Variants in CCDC13 observed in about 807,000 individuals in gnomAD.
CCDC13 encodes coiled-coil domain containing 13.
CCDC13 carries 70 observed loss-of-function variants against 87.3 expected under a neutral mutation model. The ratio of observed to expected loss-of-function variants is 0.80; its 90% CI spans 0.66 to 0.98. CCDC13 has a LOEUF of 0.98. CCDC13 is among the 50% of genes least tolerant of loss of function. CCDC13 has a pLI of 0.00. For synonymous variants in CCDC13, 317 were observed against 360.3 expected (o/e 0.88, Z 1.36); for missense variants, 842 against 892.0 (o/e 0.94, Z 0.71).
chr3:42,747,187 G>C, intron 6 of CCDC13, 70 bp downstream of exon 6: 3 of 1,143,168 alleles, frequency 2.6e-6, no homozygotes, highest in Non-Finnish European at 4.0e-6. Flanking sequence ...GGAATCCACT[G>C]TGCCAGCCGT....
In CCDC13 at chr3:42,742,998, A is replaced by G; in HGVS notation, c.885T>C (p.Ser295=). 2 of 1,613,982 alleles carry G rather than the reference A, an allele frequency of 1.2e-6. No homozygotes were observed. Among genetic ancestry groups the G allele is most frequent in the Non-Finnish European group, 1.7e-6 (2 of 1,179,968 alleles). Reference sequence around the variant, plus strand: ...GGTCTGGATAGACAGACAACTCATCACTGGCTGTTCCCGCAGACTGGCTCC... The same window carrying G: ...GGTCTGGATAGACAGACAACTCATCGCTGGCTGTTCCCGCAGACTGGCTCC... ...QARSQSAGTA[S]DELSVYPDPR... Residue 295 remains serine, a synonymous_variant, in exon 8 of 16, where the codon AGT becomes AGC. Transcript: ENST00000310232.
At chr3:42,713,631 AT>A (rs1698364298) in intron 13 of CCDC13, among the ~76,000 whole-genome samples, 1 of 152,228 alleles carries the variant, frequency 6.6e-6, no homozygotes, top group African/African-American at 2.4e-5. Flanking sequence ...TTATGTTGCT[AT>A]TTTTAGGTTT....
Position 42,708,490 on chromosome 3 carries a change from G to A in CCDC13, c.*490C>T, listed in dbSNP as rs1333568714. On this transcript the variant is annotated 3_prime_UTR_variant, in exon 16 of 16. Transcript: ENST00000310232. ...ACTGGTTGAGAGCATAGTGCCCCAA[G>A]TCTGTGTAGGGTGTGGACGGCTACA... 6.5e-6 allele frequency: 1 copy of A among 153,048 alleles called. No individual in the cohort carries two copies. The highest frequency in any genetic ancestry group is 1.5e-5 in the Non-Finnish European group (1 of 68,720). The allele number at this position is 153,048 out of a possible 1,614,324, so 9.5% of individuals were successfully genotyped here.
intron 15 of CCDC13, among the ~76,000 whole-genome samples, 191 bp from the exon 16 acceptor site, chr3:42,709,330 A>G (rs1258820591): frequency 1.3e-5 from 2 of 152,180 alleles, no homozygotes; most frequent in Non-Finnish European, 2.9e-5. Flanking sequence ...GCTCCCTGCA[A>G]TGTAAGCTAC....
At position 42,747,387 on chromosome 3, in the gene CCDC13, A is replaced by G. The variant is rs899529550; in HGVS notation, c.604-14T>C. ...TGGGGTCTCCAGCTGGTTGGGAAGG[A>G]CAGGAGAGAAAGTAGTCATTTATTG... On this transcript the variant is annotated splice_polypyrimidine_tract_variant and intron_variant, in intron 5 of 15. Coordinates refer to ENST00000310232, the MANE Select transcript of CCDC13 (RefSeq NM_144719.4). The G allele has an allele frequency of 2.5e-6, 4 of 1,577,780 alleles. No individual in the cohort carries two copies. Among genetic ancestry groups the G allele is most frequent in the Admixed American group, 3.3e-5 (2 of 59,908 alleles).
intron 14 of CCDC13, among the ~76,000 whole-genome samples, chr3:42,711,839 T>C (rs1698320217): frequency 6.6e-6 from 1 of 152,194 alleles, no homozygotes; most frequent in African/African-American, 2.4e-5. Context: ...CCTGGACACT[T>C]TCCCTCAGGC....
chr3:42,732,780 G>T (rs967212373), intron 12 of CCDC13, 107 bp downstream of exon 12: 4 of 935,386 alleles, frequency 4.3e-6, no homozygotes, highest in African/African-American at 3.3e-5. Context: ...AGAGTCCCTG[G>T]ACTTTGCCTG....
rs1258023036 is a variant in CCDC13 at position 42,735,874 on chromosome 3, T to C, written c.1204A>G (p.Ser402Gly). ...KQLQEILGSL[S>G]LQEEKTRVSQ... ...ACTCGCGTTTTCTCCTCCTGCAGAC[T>C]CAGGCTGCCTAGGATCTCCTGTAGC... The change falls in exon 10 of 16, where the codon AGT becomes GGT. Residue 402 changes from serine to glycine, a missense_variant. Transcript: ENST00000310232. 2 of 1,614,058 alleles carry C rather than the reference T, an allele frequency of 1.2e-6. No individual in the cohort carries two copies. The highest frequency in any genetic ancestry group is 1.7e-6 in the Non-Finnish European group (2 of 1,180,036).
chr3:42,715,620 G>GA (rs933611012), intron 13 of CCDC13, among the ~76,000 whole-genome samples: 4 of 150,330 alleles, frequency 2.7e-5, no homozygotes, highest in East Asian at 1.9e-4. Flanking sequence ...GTAACAAAAA[G>GA]AAAAAAAAAT....
At position 42,743,037 on chromosome 3, in the gene CCDC13, T is replaced by C. The variant is rs377158821; in HGVS notation, c.846A>G (p.Gln282=). ...LQSKVQELEK[Q]LGQARSQSAG... is the part of the protein sequence containing the mutation. ...CAGACTGGCTCCGGGCCTGGCCCAA[T>C]TGCTTCTCAAGCTCTTGAACCTGAG... Residue 282 remains glutamine, a synonymous_variant, in exon 8 of 16, where the codon CAA becomes CAG. Transcript: ENST00000310232. 4 of 1,613,958 alleles carry C rather than the reference T, an allele frequency of 2.5e-6. No homozygotes were observed. Among genetic ancestry groups the C allele is most frequent in the Non-Finnish European group, 3.4e-6 (4 of 1,179,992 alleles).
At chr3:42,726,864 A>G (rs555782649) in intron 13 of CCDC13, among the ~76,000 whole-genome samples, 31 of 152,250 alleles carry the variant, frequency 2.0e-4, no homozygotes, top group African/African-American at 7.5e-4. Context: ...AGCTTCAAAG[A>G]CAAAGAGAAT....
chr3:42,737,314 T>C (rs112406032), intron 9 of CCDC13, among the ~76,000 whole-genome samples: 2,806 of 152,364 alleles, frequency 0.018, 74 homozygotes, highest in African/African-American at 0.064. Flanking sequence ...AGTCTATTAC[T>C]GATGGACATT....
chr3:42,718,803 AC>A (rs1698491146), intron 13 of CCDC13, among the ~76,000 whole-genome samples: 1 of 151,884 alleles, frequency 6.6e-6, no homozygotes, highest in South Asian at 2.1e-4. Flanking sequence ...ACTGAGGAGA[AC>A]CCCCCAACCC....
rs191054340 is a variant in CCDC13 at position 42,739,078 on chromosome 3, C to T, written c.1164+556G>A. Among the ~76,000 whole-genome samples, 17 of 152,206 alleles carry T rather than the reference C, an allele frequency of 1.1e-4. No individual in the cohort carries two copies. In the East Asian group the frequency reaches 2.9e-3, roughly 26 times the overall value. On this transcript the variant is annotated intron_variant, in intron 9 of 15. Coordinates refer to ENST00000310232, the MANE Select transcript of CCDC13 (RefSeq NM_144719.4). ...AAATAGCTCTTATTATTTTGAGATA[C>T]GTTTAATCCAGGAAGTTTTTATAGT...
At position 42,757,044 on chromosome 3, in the gene CCDC13, A is replaced by G. The variant is rs1427637760; in HGVS notation, c.370+22T>C. 5 of 1,610,612 alleles carry G rather than the reference A, an allele frequency of 3.1e-6. No individual in the cohort carries two copies. The South Asian group carries it at 4.4e-5, about 14-fold the overall frequency. On this transcript the variant is annotated intron_variant, in intron 3 of 15. Coordinates refer to ENST00000310232, the MANE Select transcript of CCDC13 (RefSeq NM_144719.4). ...GTCCCTGGACTGCAGGGCAAGGACTATCACAACAATGGTGGAGCTACCTGT... is the reference window on the plus strand; with the variant it reads ...GTCCCTGGACTGCAGGGCAAGGACTGTCACAACAATGGTGGAGCTACCTGT...
At chr3:42,717,024 C>A (rs540302375) in intron 13 of CCDC13, among the ~76,000 whole-genome samples, 2 of 152,316 alleles carry the variant, frequency 1.3e-5, no homozygotes, top group South Asian at 4.1e-4. Flanking sequence ...TGCTACCATA[C>A]GGATGAACCT....
rs745463382 is a variant in CCDC13 at position 42,735,679 on chromosome 3, G to A, written c.1371+28C>T. On this transcript the variant is annotated intron_variant, in intron 10 of 15. Transcript: ENST00000310232. The stretch of plus-strand genomic sequence containing the variant: ...ATGGACTTGCCCGGCTTGAAAATGG[G>A]TTTGGGCGCTGCCAGTGCCCTACTC... 3.1e-6 allele frequency: 5 copies of A among 1,608,492 alleles called. No individual in the cohort carries two copies. The African/African-American group carries it at 5.3e-5, about 17-fold the overall frequency.
At chr3:42,712,653 A>C (rs1022265291) in intron 14 of CCDC13, among the ~76,000 whole-genome samples, 1 of 152,180 alleles carries the variant, frequency 6.6e-6, no homozygotes, top group African/African-American at 2.4e-5. Flanking sequence ...ATTGTAGACC[A>C]GAAGATGGAA....
At chr3:42,749,245 C>T (rs1373355746) in intron 5 of CCDC13, among the ~76,000 whole-genome samples, 2 of 152,192 alleles carry the variant, frequency 1.3e-5, no homozygotes, top group African/African-American at 2.4e-5. Context: ...AGATCTCTAG[C>T]GCCATGAGCC....
Sources: allele counts gnomAD v4.1 joint callset (sites outside exome capture counted in the v4.1 genomes callset), GRCh38; gene constraint gnomAD v4.1.1; transcripts MANE v1.5; gene names NCBI Gene and HGNC (gene_info 2026-07-23, HGNC 2026-07-21).